The following TRIP12 variants were observed in gnomAD, a reference collection of about 807,000 sequenced individuals.
The protein encoded by TRIP12 is E3 ubiquitin-protein ligase TRIP12.
In TRIP12, 25 loss-of-function variants were observed where a neutral mutation model predicts 244.2. That is an observed-to-expected ratio of 0.10 (90% CI 0.07 to 0.14). The LOEUF (loss-of-function observed/expected upper bound fraction) is 0.14, where lower values mean the gene tolerates loss of function less well. Among genes scored for constraint, TRIP12 ranks in the 10% least tolerant of loss-of-function variants. TRIP12 has a pLI of 1.00. For missense variants in TRIP12, 1,677 were observed against 2,486.4 expected (o/e 0.67, Z 6.92); for synonymous variants, 905 against 873.1 (o/e 1.04, Z -0.64).
chr2:229,801,561 C>G (rs949807979), intron 21 of TRIP12, among the ~76,000 whole-genome samples: 4 of 152,092 alleles, frequency 2.6e-5, no homozygotes, highest in African/African-American at 9.7e-5. Context: ...TCATCAGGTA[C>G]CACTCATCTA....
Position 229,767,285 on chromosome 2 carries a change from T to C in TRIP12, c.*269A>G, listed in dbSNP as rs1173055553. ...TTTTTAAATTTCACACAGCAAAGCATGTTAAAAACTTCACTCATCAAATAA... is the reference window on the plus strand; with the variant it reads ...TTTTTAAATTTCACACAGCAAAGCACGTTAAAAACTTCACTCATCAAATAA... On this transcript the variant is annotated 3_prime_UTR_variant, in exon 42 of 42. Coordinates refer to ENST00000675903, the MANE Select transcript of TRIP12 (RefSeq NM_001348323.3). 3.0e-6 allele frequency: 1 copy of C among 338,332 alleles called. No homozygotes were observed. The highest frequency in any genetic ancestry group is 5.3e-6 in the Non-Finnish European group (1 of 189,032). 21.0% of individuals were successfully genotyped at this position (338,332 alleles called of 1,614,324 possible).
At chr2:229,839,769 T>C (rs1213834467) in intron 5 of TRIP12, among the ~76,000 whole-genome samples, 1 of 152,052 alleles carries the variant, frequency 6.6e-6, no homozygotes, top group Non-Finnish European at 1.5e-5. Context: ...GAATGGCACC[T>C]GACTAACCGA....
At chr2:229,805,704 G>A (rs1309142355) in intron 18 of TRIP12, 26 bp downstream of exon 18, 1 of 1,541,802 alleles carries the variant, frequency 6.5e-7, no homozygotes, top group Admixed American at 1.7e-5. Context: ...ATAGTATAGT[G>A]CTATTTTAAC....
intron 1 of TRIP12, among the ~76,000 whole-genome samples, chr2:229,906,625 C>G (rs1173362442): frequency 6.7e-6 from 1 of 148,892 alleles, no homozygotes; most frequent in African/African-American, 2.5e-5. Flanking sequence ...GAGGCTGAGG[C>G]AGAAGAATTG....
chr2:229,828,781 T>C (rs1021455510), intron 8 of TRIP12, among the ~76,000 whole-genome samples: 3 of 151,808 alleles, frequency 2.0e-5, no homozygotes, highest in South Asian at 2.1e-4. Context: ...AAAATATATA[T>C]ATATAAAAAG....
chr2:229,810,313 T>C (rs57516353), intron 15 of TRIP12, among the ~76,000 whole-genome samples: 2,282 of 152,310 alleles, frequency 0.015, 52 homozygotes, highest in African/African-American at 0.052. Flanking sequence ...TGCAAGAGCA[T>C]TGCAATAAAA....
intron 2 of TRIP12, among the ~76,000 whole-genome samples, chr2:229,872,239 G>C (rs2062774407): frequency 6.6e-6 from 1 of 151,900 alleles, no homozygotes; most frequent in Admixed American, 6.6e-5. Flanking sequence ...GACGAGTCTG[G>C]GCAACATAGC....
Position 229,836,757 on chromosome 2 carries a change from C to T in TRIP12, c.1270+91G>A, listed in dbSNP as rs991567678. On this transcript the variant is annotated intron_variant, in intron 6 of 41. Transcript: ENST00000675903. Reference sequence around the variant, plus strand: ...AACAAAACAGAACAAGAAGTTTATACGATAGTAACACCTAGCATACTTCCC... The same window carrying T: ...AACAAAACAGAACAAGAAGTTTATATGATAGTAACACCTAGCATACTTCCC... 3.3e-5 allele frequency: 45 copies of T among 1,381,534 alleles called. No individual in the cohort carries two copies. The East Asian group carries it at 4.7e-4, about 14-fold the overall frequency. The allele number at this position is 1,381,534 out of a possible 1,614,324, so 85.6% of individuals were successfully genotyped here. A position where few individuals can be genotyped will look rare whatever the true frequency, so the allele number is the denominator to read the frequency against.
At chr2:229,893,424 A>G (rs1403493765) in intron 1 of TRIP12, among the ~76,000 whole-genome samples, 1 of 152,090 alleles carries the variant, frequency 6.6e-6, no homozygotes, top group African/African-American at 2.4e-5. Context: ...ATCACCCAAG[A>G]AACTTTCCTC....
At chr2:229,811,265 T>A in intron 13 of TRIP12, 61 bp from the exon 14 acceptor site, 1 of 1,507,968 alleles carries the variant, frequency 6.6e-7, no homozygotes, top group Non-Finnish European at 9.1e-7. Context: ...CTGTCATGTA[T>A]CACTACTTTA....
rs552869723 is a variant in TRIP12, at chr2:229,863,630, T to C, written c.99-3099A>G. On this transcript the variant is annotated intron_variant, in intron 2 of 41. Coordinates refer to ENST00000675903, the MANE Select transcript of TRIP12 (RefSeq NM_001348323.3). ...CAGATGGTACCATGAAGTGACAATA[T>C]GGGGCCTCCCAAAATGGAGCTCTAT... Among the ~76,000 whole-genome samples, 13 of 152,302 alleles carry C rather than the reference T, an allele frequency of 8.5e-5. No homozygotes were observed. The East Asian group carries it at 2.3e-3, about 27-fold the overall frequency.
At chr2:229,824,482 G>A (rs538251058) in intron 8 of TRIP12, among the ~76,000 whole-genome samples, 12 of 151,880 alleles carry the variant, frequency 7.9e-5, no homozygotes, top group Non-Finnish European at 1.5e-4. Flanking sequence ...GAAAAAATAC[G>A]AAAGCTACAT....
chr2:229,868,844 C>G (rs2062016359), intron 2 of TRIP12, among the ~76,000 whole-genome samples: 1 of 152,208 alleles, frequency 6.6e-6, no homozygotes, highest in African/African-American at 2.4e-5. Flanking sequence ...CCTATGACAG[C>G]TACATCTCAA....
chr2:229,864,425 T>C (rs1468033652), intron 2 of TRIP12, among the ~76,000 whole-genome samples: 2 of 152,188 alleles, frequency 1.3e-5, no homozygotes, highest in Non-Finnish European at 1.5e-5. Context: ...TAGACTTTCC[T>C]GTTATCTTCT....
intron 34 of TRIP12, among the ~76,000 whole-genome samples, chr2:229,784,533 A>AAC (rs60770371): frequency 6.8e-6 from 1 of 147,710 alleles, no homozygotes. Flanking sequence ...AAAAAGATAA[A>AAC]TGGATTTCAT....
rs774517508 is a variant in TRIP12, at chr2:229,803,637, G to A, written c.2932C>T (p.Leu978Phe). 1 of 1,613,660 alleles carries A rather than the reference G, an allele frequency of 6.2e-7. No homozygotes were observed. The highest frequency in any genetic ancestry group is 8.5e-7 in the Non-Finnish European group (1 of 1,179,834). ...TGCATTAAAATTTCTGCCATCTGAAGTGCTCCCACTACTATCTTCAGGTCT... is the reference window on the plus strand; with the variant it reads ...TGCATTAAAATTTCTGCCATCTGAAATGCTCCCACTACTATCTTCAGGTCT... ...SQDLKIVVGA[L>F]QMAEILMQKL... The change falls in exon 20 of 42, where the codon CTT becomes TTT. Residue 978 changes from leucine to phenylalanine, a missense_variant. Leu to Phe is a conservative substitution (Grantham distance 22). This residue lies in a region of TRIP12 where 572 missense variants were observed against 867.8 expected (regional missense o/e 0.66). Transcript: ENST00000675903.
At chr2:229,898,880 G>C (rs1174794524) in intron 1 of TRIP12, among the ~76,000 whole-genome samples, 2 of 152,040 alleles carry the variant, frequency 1.3e-5, no homozygotes, top group Non-Finnish European at 2.9e-5. Flanking sequence ...TTTTTGTAGA[G>C]ACAGAGGTTG....
At chr2:229,771,682 TA>T in intron 38 of TRIP12, 50 bp from the exon 39 acceptor site, 1 of 1,395,024 alleles carries the variant, frequency 7.2e-7, no homozygotes, top group Non-Finnish European at 1.0e-6. Context: ...CAAATCTCTT[TA>T]CTATTTAATA....
At chr2:229,828,809 A>G (rs2154296967) in intron 8 of TRIP12, among the ~76,000 whole-genome samples, 1 of 152,172 alleles carries the variant, frequency 6.6e-6, no homozygotes, top group East Asian at 1.9e-4. Flanking sequence ...GAAAACCAAC[A>G]TCCTTATGTC....
Sources: gnomAD v4.1 joint callset for allele counts (sites outside exome capture counted in the v4.1 genomes callset) on GRCh38, gnomAD v4.1.1 for gene constraint, gnomAD v4.1.1 regional missense constraint, MANE v1.5 for transcripts, NCBI Gene and HGNC (gene_info 2026-07-23, HGNC 2026-07-21) for gene names.